The following RPAIN variants were observed in gnomAD, a reference collection of about 807,000 sequenced individuals.
RPAIN encodes RPA-interacting protein.
In RPAIN, 29 loss-of-function variants were observed where a neutral mutation model predicts 30.5. The ratio of observed to expected loss-of-function variants is 0.95; its 90% CI spans 0.71 to 1.30. The LOEUF (loss-of-function observed/expected upper bound fraction) is 1.30, where lower values mean the gene tolerates loss of function less well. Among genes scored for constraint, RPAIN ranks in the 50% most tolerant of loss-of-function variants. The pLI is 0.00. For synonymous variants in RPAIN, 101 were observed against 93.5 expected, an observed-to-expected ratio of 1.08 and a Z score of -0.46; for missense variants, 247 against 264.7, an observed-to-expected ratio of 0.93 and a Z score of 0.46.
intron 5 of RPAIN, 39 bp from the exon 6 acceptor site, chr17:5,428,032 C>T (rs1643774322): frequency 2.5e-6 from 4 of 1,604,474 alleles, no homozygotes; most frequent in Non-Finnish European, 3.4e-6. Flanking sequence ...TGTTGGCTAT[C>T]AAGTCACTGA....
Position 5,420,221 on chromosome 17 carries a change from C to G in RPAIN, c.11C>G (p.Ser4Trp), listed in dbSNP as rs758174011. 2 of 1,613,744 alleles carry G rather than the reference C, an allele frequency of 1.2e-6. No homozygotes were observed. Among genetic ancestry groups the G allele is most frequent in the East Asian group, 2.2e-5 (1 of 44,854 alleles). MAE[S>W]LRSPRRSLYK... ...TCCCGCGAAGAGGAGATGGCGGAGT[C>G]GTTGAGGTCTCCGCGCCGCTCCCTG... The change falls in exon 1 of 7, where the codon TCG becomes TGG. Residue 4 changes from serine (S) to tryptophan (W), a missense_variant. Coordinates refer to ENST00000381209, the MANE Select transcript of RPAIN (RefSeq NM_001033002.4).
At chr17:5,421,266 T>C (rs1018372407) in intron 1 of RPAIN, 30 bp from the exon 2 acceptor site, 55 of 1,557,064 alleles carry the variant, frequency 3.5e-5, no homozygotes, top group Non-Finnish European at 4.5e-5. Context: ...TGCTTTTTTT[T>C]TCCCCCCCAA....
chr17:5,428,108 T>G lies in RPAIN; in HGVS notation c.527T>G (p.Leu176Ter), dbSNP rs1390759580. ...ELTEQKLRAC[L>*]EGSINEHSAH... is the part of the protein sequence containing the mutation. ...ACAGAGCAGAAGCTTCGTGCCTGTT[T>G]AGAGGGTAGTATAAATGAGCACAGT... Residue 176 changes from leucine to a stop codon, truncating the protein, a stop_gained, in exon 6 of 7, where the codon TTA (leucine) becomes TGA (stop). Coordinates refer to ENST00000381209, the MANE Select transcript of RPAIN (RefSeq NM_001033002.4). LOFTEE classifies it high-confidence loss of function. 1.2e-6 allele frequency: 2 copies of G among 1,614,062 alleles called. No individual in the cohort carries two copies. The highest frequency in any genetic ancestry group is 2.2e-5 in the East Asian group (1 of 44,888).
intron 6 of RPAIN, 137 bp downstream of exon 6, chr17:5,428,348 A>C: frequency 6.5e-7 from 1 of 1,536,676 alleles, no homozygotes. Flanking sequence ...CCTGCATAGA[A>C]AAGTGAAGGT....
chr17:5,429,878 C>A, intron 6 of RPAIN: 1 of 727,670 alleles, frequency 1.4e-6, no homozygotes, highest in Non-Finnish European at 1.7e-6. Context: ...AAGGAATTGG[C>A]CAGTCTCAGC....
chr17:5,425,012 T>C (rs962271695), intron 3 of RPAIN: 4 of 236,940 alleles, frequency 1.7e-5, no homozygotes, highest in African/African-American at 9.3e-5. Flanking sequence ...TGGCAGACTT[T>C]TTGTGAAGAG....
chr17:5,428,266 T>C (rs1915596747), intron 6 of RPAIN, 55 bp downstream of exon 6: 2 of 1,613,470 alleles, frequency 1.2e-6, no homozygotes. Flanking sequence ...GTTGGTTTTA[T>C]TCCCACCTTG....
chr17:5,421,557 A>C (rs983363324), intron 2 of RPAIN, 91 bp downstream of exon 2: 17 of 1,185,720 alleles, frequency 1.4e-5, no homozygotes, highest in Admixed American at 4.9e-5. Flanking sequence ...AGTCCTCTAA[A>C]CCCACCATTC....
At chr17:5,423,941 T>G (rs145209750) in intron 3 of RPAIN, among the ~76,000 whole-genome samples, 2,484 of 151,626 alleles carry the variant, frequency 0.016, 35 homozygotes, top group Middle Eastern at 0.051. Flanking sequence ...TAATTTTTTT[T>G]TTTTAGCTAA....
rs967150525 is a variant in RPAIN, at chr17:5,425,953, A to G, written c.314-18A>G. On this transcript the variant is annotated intron_variant, in intron 3 of 6. Coordinates refer to ENST00000381209, the MANE Select transcript of RPAIN (RefSeq NM_001033002.4). The stretch of plus-strand genomic sequence containing the variant: ...AGCTGAAGCATGGTGAAGCCCTCCA[A>G]CTGCCTTTGCCTTGCAGAGCAGTCC... The G allele has an allele frequency of 1.0e-5, 16 of 1,571,560 alleles. No homozygotes were observed. Among genetic ancestry groups the G allele is most frequent in the South Asian group, 2.2e-5 (2 of 89,588 alleles).
intron 5 of RPAIN, 187 bp downstream of exon 5, chr17:5,426,486 G>T: frequency 1.6e-6 from 1 of 624,444 alleles, no homozygotes; most frequent in South Asian, 1.8e-5. Flanking sequence ...TTGGCAAACA[G>T]TACACATCAG....
intron 6 of RPAIN, chr17:5,431,920 T>A (rs183501216): frequency 3.4e-6 from 1 of 297,882 alleles, no homozygotes; most frequent in African/African-American, 2.2e-5. Context: ...CCTGTGGGAG[T>A]TATTGATCCC....
At position 5,421,310 on chromosome 17, in the gene RPAIN, A is replaced by G; in HGVS notation, c.96A>G (p.Arg32=). The G allele has an allele frequency of 6.2e-7, 1 of 1,611,358 alleles. No homozygotes were observed. The highest frequency in any genetic ancestry group is 8.5e-7 in the Non-Finnish European group (1 of 1,179,190). The change falls in exon 2 of 7, where the codon AGA becomes AGG. Residue 32 remains arginine (R), a synonymous_variant. Coordinates refer to ENST00000381209, the MANE Select transcript of RPAIN (RefSeq NM_001033002.4). ...KEAFRQRCLE[R]MRNSRDRLLN... ...TTTTTTCCCAGAGATGCCTGGAGAG[A>G]ATGAGAAACAGCCGGGACAGGCTCC...
intron 3 of RPAIN, among the ~76,000 whole-genome samples, chr17:5,423,709 G>A (rs1431659262): frequency 6.6e-6 from 1 of 152,016 alleles, no homozygotes; most frequent in African/African-American, 2.4e-5. Context: ...ACCTTATATA[G>A]TTAAGTCATT....
intron 1 of RPAIN, among the ~76,000 whole-genome samples, chr17:5,420,948 C>A (rs2151656693): frequency 6.6e-6 from 1 of 152,264 alleles, no homozygotes; most frequent in East Asian, 1.9e-4. Flanking sequence ...AGTTCAGAAA[C>A]GCTGCTGTGC....
intron 6 of RPAIN, chr17:5,429,163 G>A (rs1393469633): frequency 2.0e-6 from 2 of 985,314 alleles, no homozygotes; most frequent in Non-Finnish European, 2.4e-6. Flanking sequence ...CAGTACCCTG[G>A]AGAGCTGTAC....
exon 7 of RPAIN, chr17:5,432,876 CAT>C (rs979167339): frequency 4.1e-5 from 43 of 1,051,208 alleles, no homozygotes; most frequent in Non-Finnish European, 5.0e-5. Context: ...GAACACAAAA[CAT>C]ATAATTTAAA....
chr17:5,432,832 A>T lies in RPAIN; in HGVS notation c.*261A>T. 1.1e-6 allele frequency: 1 copy of T among 908,536 alleles called. No individual in the cohort carries two copies. The highest frequency in any genetic ancestry group is 1.6e-6 in the Non-Finnish European group (1 of 634,278). The allele number at this position is 908,536 out of a possible 1,614,324, so 56.3% of individuals were successfully genotyped here. ...CATGTTATACAAAAATCTAGAAATAATAGATTTGTACAGAAAAAAATGATA... is the reference window on the plus strand; with the variant it reads ...CATGTTATACAAAAATCTAGAAATATTAGATTTGTACAGAAAAAAATGATA... On this transcript the variant is annotated 3_prime_UTR_variant, in exon 7 of 7. Transcript: ENST00000381209.
At chr17:5,428,361 C>G (rs945863886) in intron 6 of RPAIN, 150 bp downstream of exon 6, 3 of 1,523,122 alleles carry the variant, frequency 2.0e-6, no homozygotes, top group Non-Finnish European at 2.6e-6. Flanking sequence ...GTGAAGGTAA[C>G]AAGTCATTTA....
Sources: allele counts gnomAD v4.1 joint callset (sites outside exome capture counted in the v4.1 genomes callset), GRCh38; gene constraint gnomAD v4.1.1; transcripts MANE v1.5; gene names NCBI Gene and HGNC (gene_info 2026-07-23, HGNC 2026-07-21).